Variants in PCCA observed in about 807,000 individuals in gnomAD.
PCCA encodes propionyl-CoA carboxylase subunit alpha, also known as propionyl-CoA carboxylase alpha chain, mitochondrial.
In PCCA, 74 loss-of-function variants were observed where a neutral mutation model predicts 101.3. The ratio of observed to expected loss-of-function variants is 0.73; its 90% confidence interval spans 0.61 to 0.89. PCCA has a LOEUF of 0.89. Ranked by LOEUF, PCCA falls within the 40% of genes least tolerant of loss-of-function variation. The pLI, the probability that PCCA is intolerant of heterozygous loss-of-function variation, is 0.00. For synonymous variants in PCCA, 294 were observed against 313.6 expected (o/e 0.94, Z 0.66); for missense variants, 891 against 907.0 (o/e 0.98, Z 0.23).
At chr13:100,090,231 G>A (rs2046154589) in intron 1 of PCCA, among the ~76,000 whole-genome samples, 1 of 152,240 alleles carries the variant, frequency 6.6e-6, no homozygotes, top group South Asian at 2.1e-4. Context: ...AGCCCCAGGT[G>A]GGCAGTATGA....
chr13:100,447,937 C>G (rs1435590212), intron 20 of PCCA, among the ~76,000 whole-genome samples: 1 of 152,158 alleles, frequency 6.6e-6, no homozygotes, highest in Admixed American at 6.5e-5. Context: ...TCATAGAGAT[C>G]AGAGTTGGTA....
chr13:100,285,253 G>C (rs2064510848), intron 12 of PCCA, among the ~76,000 whole-genome samples: 1 of 152,178 alleles, frequency 6.6e-6, no homozygotes, highest in Non-Finnish European at 1.5e-5. Flanking sequence ...CACCCAGAGG[G>C]CAAATACTCT....
intron 6 of PCCA, among the ~76,000 whole-genome samples, chr13:100,162,080 A>ATGTGTGTGTG (rs3034650): frequency 2.0e-5 from 3 of 146,812 alleles, no homozygotes; most frequent in Non-Finnish European, 3.0e-5. Context: ...GTGTGTCTGT[A>ATGTGTGTGTG]TGTGTGTGTG....
chr13:100,418,650 T>C (rs1045664686), intron 19 of PCCA, among the ~76,000 whole-genome samples: 1 of 151,936 alleles, frequency 6.6e-6, no homozygotes, highest in African/African-American at 2.4e-5. Context: ...CTGGCCAACA[T>C]GGTGAAACCC....
intron 19 of PCCA, among the ~76,000 whole-genome samples, 186 bp downstream of exon 19, chr13:100,368,760 T>A (rs1296785659): frequency 2.6e-5 from 4 of 152,308 alleles, no homozygotes; most frequent in Middle Eastern, 3.4e-3. Flanking sequence ...GGAAATACAT[T>A]TCTAGATTTA....
chr13:100,456,125 A>G (rs1308145405), intron 21 of PCCA, among the ~76,000 whole-genome samples: 2 of 152,052 alleles, frequency 1.3e-5, no homozygotes, highest in African/African-American at 4.8e-5. Context: ...TTGTTGTTTC[A>G]ATTTGCTTTA....
intron 16 of PCCA, among the ~76,000 whole-genome samples, chr13:100,327,500 G>A (rs564097485): frequency 5.3e-5 from 8 of 152,260 alleles, no homozygotes; most frequent in African/African-American, 1.9e-4. Flanking sequence ...TTGTTTCCAG[G>A]TTTTGATTAT....
chr13:100,121,873 G>A (rs749412770), intron 4 of PCCA, among the ~76,000 whole-genome samples: 59 of 152,122 alleles, frequency 3.9e-4, no homozygotes, highest in Non-Finnish European at 7.1e-4. Context: ...GATTTCTCTG[G>A]CTTTAACTTC....
At chr13:100,144,510 CT>C (rs2052297898) in intron 4 of PCCA, among the ~76,000 whole-genome samples, 1 of 152,110 alleles carries the variant, frequency 6.6e-6, no homozygotes, top group Non-Finnish European at 1.5e-5. Flanking sequence ...ATATTAGATG[CT>C]CACTAGATTA....
intron 19 of PCCA, among the ~76,000 whole-genome samples, chr13:100,400,560 TC>T (rs1364933731): frequency 2.0e-5 from 3 of 151,222 alleles, no homozygotes. Context: ...AGACCACTCT[TC>T]ACACTTACAG....
At chr13:100,350,049 A>G (rs1384678992) in intron 18 of PCCA, among the ~76,000 whole-genome samples, 1 of 152,160 alleles carries the variant, frequency 6.6e-6, no homozygotes, top group Admixed American at 6.5e-5. Context: ...TTTCAATTAG[A>G]TGATAAAAGT....
chr13:100,523,177 A>C (rs188726388), intron 22 of PCCA, among the ~76,000 whole-genome samples: 21 of 152,220 alleles, frequency 1.4e-4, no homozygotes, highest in Non-Finnish European at 2.1e-4. Context: ...CTGTCTTTTA[A>C]TCTTTGTGGA....
At chr13:100,184,330 T>C (rs2057058896) in intron 6 of PCCA, among the ~76,000 whole-genome samples, 1 of 152,222 alleles carries the variant, frequency 6.6e-6, no homozygotes, top group African/African-American at 2.4e-5. Context: ...GGCTCATATA[T>C]ATTTGTTTAA....
At chr13:100,317,697 C>T (rs553625951) in intron 16 of PCCA, among the ~76,000 whole-genome samples, 4 of 152,288 alleles carry the variant, frequency 2.6e-5, no homozygotes, top group African/African-American at 9.6e-5. Flanking sequence ...GCTGATCCTC[C>T]CACCTCAACC....
At chr13:100,450,472 C>T (rs970457093) in intron 21 of PCCA, among the ~76,000 whole-genome samples, 4 of 151,536 alleles carry the variant, frequency 2.6e-5, no homozygotes, top group Non-Finnish European at 4.4e-5. Flanking sequence ...TCCATGTATT[C>T]ATTCACCAGA....
At chr13:100,417,897 G>A (rs2078483829) in intron 19 of PCCA, among the ~76,000 whole-genome samples, 2 of 152,102 alleles carry the variant, frequency 1.3e-5, no homozygotes, top group South Asian at 4.1e-4. Context: ...CAGGACGACT[G>A]CTCCGCTCTT....
chr13:100,131,797 T>G (rs2050542093), intron 4 of PCCA, among the ~76,000 whole-genome samples: 1 of 152,244 alleles, frequency 6.6e-6, no homozygotes, highest in South Asian at 2.1e-4. Flanking sequence ...TCTTTTGAAC[T>G]AGGCAGTTGT....
At chr13:100,261,827 G>A (rs142147305) in intron 9 of PCCA, among the ~76,000 whole-genome samples, 55 of 152,078 alleles carry the variant, frequency 3.6e-4, no homozygotes, top group African/African-American at 1.1e-3. Flanking sequence ...ATCTGTGTGG[G>A]TGTATGTGGG....
chr13:100,354,387 G>A, intron 18 of PCCA, among the ~76,000 whole-genome samples: 1 of 139,334 alleles, frequency 7.2e-6, no homozygotes, highest in South Asian at 2.5e-4. Flanking sequence ...AGTCAGGCAG[G>A]CAGGGAAGGG....
Sources: gnomAD v4.1 joint callset for allele counts (sites outside exome capture counted in the v4.1 genomes callset) on GRCh38, gnomAD v4.1.1 for gene constraint, MANE v1.5 for transcripts, NCBI Gene and HGNC (gene_info 2026-07-23, HGNC 2026-07-21) for gene names.